The following IL1RL2 variants were observed in gnomAD, a reference collection of about 807,000 sequenced individuals.
IL1RL2 encodes interleukin-1 receptor-like 2.
In IL1RL2, 68 loss-of-function variants were observed where a neutral mutation model predicts 66.8. The observed-to-expected ratio is 1.02, with a 90% confidence interval of 0.84 to 1.25. The LOEUF is 1.25. IL1RL2 is among the 50% of genes most tolerant of loss of function. The pLI is 0.00. For missense variants in IL1RL2, 729 were observed against 709.3 expected, an observed-to-expected ratio of 1.03 and a Z score of -0.32; for synonymous variants, 305 against 264.6, an observed-to-expected ratio of 1.15 and a Z score of -1.48.
At chr2:102,232,842 G>T (rs1016433193) in intron 9 of IL1RL2, 121 bp from the exon 10 acceptor site, 1 of 1,071,238 alleles carries the variant, frequency 9.3e-7, no homozygotes, top group South Asian at 1.7e-5. Flanking sequence ...AGCCAACTGG[G>T]CACTCAGAAG....
intron 8 of IL1RL2, among the ~76,000 whole-genome samples, chr2:102,222,508 C>T (rs533933706): frequency 3.9e-5 from 6 of 152,238 alleles, no homozygotes; most frequent in South Asian, 4.2e-4. Context: ...TGGAAACTCC[C>T]GGCTTGACAT....
At chr2:102,199,915 T>C (rs1008096249) in intron 4 of IL1RL2, among the ~76,000 whole-genome samples, 14 of 151,890 alleles carry the variant, frequency 9.2e-5, no homozygotes, top group African/African-American at 3.1e-4. Context: ...TCCTAGCACT[T>C]TGGGAGGCTA....
intron 4 of IL1RL2, among the ~76,000 whole-genome samples, chr2:102,200,313 C>G (rs779731776): frequency 1.3e-5 from 2 of 152,100 alleles, no homozygotes; most frequent in African/African-American, 4.8e-5. Flanking sequence ...TAGGAAGTAG[C>G]ATTTCACATT....
chr2:102,187,772 T>G (rs986485898), intron 1 of IL1RL2, 84 bp from the exon 2 acceptor site: 448 of 1,171,116 alleles, frequency 3.8e-4, no homozygotes, highest in Non-Finnish European at 5.2e-4. Flanking sequence ...CGGTTGTCTT[T>G]GAGATTCCGA....
At chr2:102,198,353 T>C (rs1687957187) in intron 4 of IL1RL2, among the ~76,000 whole-genome samples, 1 of 152,188 alleles carries the variant, frequency 6.6e-6, no homozygotes, top group South Asian at 2.1e-4. Context: ...GTCTTTGAAA[T>C]TGAAGAGCTT....
At chr2:102,222,211 G>A in intron 8 of IL1RL2, among the ~76,000 whole-genome samples, 1 of 152,248 alleles carries the variant, frequency 6.6e-6, no homozygotes, top group East Asian at 1.9e-4. Flanking sequence ...ATGTAGCTTA[G>A]TTCATTAATT....
At chr2:102,235,663 C>T in intron 11 of IL1RL2, 1 of 985,370 alleles carries the variant, frequency 1.0e-6, no homozygotes, top group South Asian at 4.7e-5. Flanking sequence ...GGAGCCTGTG[C>T]TGTCGGGGGA....
At chr2:102,204,305 G>T (rs1416857848) in intron 5 of IL1RL2, among the ~76,000 whole-genome samples, 1 of 152,018 alleles carries the variant, frequency 6.6e-6, no homozygotes, top group Non-Finnish European at 1.5e-5. Context: ...CTAACAGATG[G>T]TCTGTCCTTG....
intron 4 of IL1RL2, among the ~76,000 whole-genome samples, chr2:102,193,187 G>A (rs898002524): frequency 1.3e-5 from 2 of 152,078 alleles, no homozygotes; most frequent in African/African-American, 4.8e-5. Context: ...GTTCATTTAG[G>A]TTGTTTAGTT....
chr2:102,211,715 A>G (rs1033016388), intron 5 of IL1RL2, among the ~76,000 whole-genome samples: 2 of 152,348 alleles, frequency 1.3e-5, no homozygotes, highest in African/African-American at 4.8e-5. Context: ...TTTGAAGGTA[A>G]AACAAGAGGG....
At position 102,192,060 on chromosome 2, in the gene IL1RL2, T is replaced by C; in HGVS notation, c.429T>C (p.Ser143=). The change falls in exon 4 of 12, where the codon AGT becomes AGC. Residue 143 remains serine, a synonymous_variant. Transcript: ENST00000264257. ...TATTACATCTTGGAAAAGATGATAGTCTCACATGTCATCTGCACTTCCCGA... is the reference window on the plus strand; with the variant it reads ...TATTACATCTTGGAAAAGATGATAGCCTCACATGTCATCTGCACTTCCCGA... ...KQILHLGKDD[S]LTCHLHFPKS... 6 of 1,611,814 alleles carry C rather than the reference T, an allele frequency of 3.7e-6. No homozygotes were observed. Among genetic ancestry groups the C allele is most frequent in the Non-Finnish European group, 5.1e-6 (6 of 1,179,178 alleles).
chr2:102,219,228 A>T, intron 7 of IL1RL2, 146 bp downstream of exon 7: 3 of 913,680 alleles, frequency 3.3e-6, no homozygotes, highest in Non-Finnish European at 5.2e-6. Flanking sequence ...AGTTAGGGAG[A>T]TATGGTAAAA....
At chr2:102,210,954 T>C (rs1689119802) in intron 5 of IL1RL2, among the ~76,000 whole-genome samples, 2 of 152,002 alleles carry the variant, frequency 1.3e-5, no homozygotes, top group Admixed American at 1.3e-4. Flanking sequence ...GGCTTAGAAG[T>C]GAAGAAAAAG....
chr2:102,232,130 A>G (rs1457106325), intron 9 of IL1RL2, among the ~76,000 whole-genome samples: 3 of 133,800 alleles, frequency 2.2e-5, no homozygotes, highest in African/African-American at 8.8e-5. Context: ...TTTTTTTCCG[A>G]GACAGAGTTT....
intron 9 of IL1RL2, among the ~76,000 whole-genome samples, chr2:102,232,128 C>T (rs77230630): frequency 3.4e-5 from 4 of 116,332 alleles, no homozygotes; most frequent in African/African-American, 7.4e-5. Context: ...TTTTTTTTTC[C>T]GAGACAGAGT....
rs1219580015 is a variant in IL1RL2, at chr2:102,235,201, C to T, written c.1602C>T (p.Tyr534=). ...CCAAGTTTTGGAAGACAGTGAGATA[C>T]CACATGCCGCCCAGAAGGTGTCGGC... is the stretch of plus-strand genomic sequence containing the variant. ...MKTKFWKTVR[Y]HMPPRRCRPF... is the part of the protein sequence containing the mutation. The change falls in exon 11 of 12, where the codon TAC becomes TAT. Residue 534 remains tyrosine (Y), a synonymous_variant. Coordinates refer to ENST00000264257, the MANE Select transcript of IL1RL2 (RefSeq NM_003854.4). 6 of 1,614,088 alleles carry T rather than the reference C, an allele frequency of 3.7e-6. No individual in the cohort carries two copies. In the South Asian group the frequency reaches 6.6e-5, roughly 18 times the overall value.
intron 10 of IL1RL2, among the ~76,000 whole-genome samples, chr2:102,233,672 T>A (rs1674553631): frequency 6.6e-6 from 1 of 152,096 alleles, no homozygotes; most frequent in African/African-American, 2.4e-5. Context: ...CAACCTCAGT[T>A]GTCTCATCTG....
At chr2:102,227,462 T>C (rs886435188) in intron 9 of IL1RL2, among the ~76,000 whole-genome samples, 1 of 152,180 alleles carries the variant, frequency 6.6e-6, no homozygotes, top group Non-Finnish European at 1.5e-5. Context: ...CCCTGAGCAA[T>C]GTAGAAAGCG....
chr2:102,241,942 G>C (rs754331749), downstream of IL1RL2, among the ~76,000 whole-genome samples: 1 of 152,150 alleles, frequency 6.6e-6, no homozygotes, highest in African/African-American at 2.4e-5. Flanking sequence ...ATGATGTCTC[G>C]GATTTACTTC....
Sources: allele counts gnomAD v4.1 joint callset (sites outside exome capture counted in the v4.1 genomes callset), GRCh38; gene constraint gnomAD v4.1.1; transcripts MANE v1.5; gene names NCBI Gene and HGNC (gene_info 2026-07-23, HGNC 2026-07-21).